Variants in STX8 observed in about 807,000 individuals in gnomAD.
The protein encoded by STX8 is syntaxin-8.
A neutral mutation model predicts 37.5 loss-of-function variants in STX8; 23 were observed. The ratio of observed to expected loss-of-function variants is 0.61; its 90% CI spans 0.44 to 0.87. The LOEUF (loss-of-function observed/expected upper bound fraction) is 0.87. Among genes scored for constraint, STX8 ranks in the 40% least tolerant of loss-of-function variants. The pLI is 0.00. For missense variants in STX8, 313 were observed against 284.7 expected, an observed-to-expected ratio of 1.10 and a Z score of -0.71; for synonymous variants, 115 against 99.1, an observed-to-expected ratio of 1.16 and a Z score of -0.95.
intron 7 of STX8, among the ~76,000 whole-genome samples, chr17:9,320,527 T>C (rs1346963388): frequency 6.6e-6 from 1 of 151,996 alleles, no homozygotes; most frequent in Admixed American, 6.6e-5. Context: ...ATAATATTCA[T>C]ATACACATAA....
chr17:9,360,829 T>A (rs564344829), intron 7 of STX8, among the ~76,000 whole-genome samples: 168 of 152,260 alleles, frequency 1.1e-3, no homozygotes, highest in African/African-American at 3.4e-3. Context: ...ACAACTGAGA[T>A]GCATGCCTGA....
intron 7 of STX8, among the ~76,000 whole-genome samples, chr17:9,301,991 T>C (rs1007677882): frequency 6.6e-6 from 1 of 152,186 alleles, no homozygotes; most frequent in Non-Finnish European, 1.5e-5. Context: ...TCTGAAATAG[T>C]TTATATAACA....
intron 6 of STX8, among the ~76,000 whole-genome samples, chr17:9,480,098 C>T (rs112359005): frequency 0.025 from 3,775 of 152,220 alleles, 135 homozygotes; most frequent in African/African-American, 0.084. Flanking sequence ...GTTTCACATT[C>T]GAATAGGTCC....
intron 6 of STX8, among the ~76,000 whole-genome samples, chr17:9,435,014 G>C (rs1006657673): frequency 1.3e-5 from 2 of 152,148 alleles, no homozygotes; most frequent in Non-Finnish European, 2.9e-5. Flanking sequence ...GCTGGTTTCA[G>C]CTGGCTTCTT....
chr17:9,486,701 AAGT>A (rs1438251839), intron 6 of STX8, among the ~76,000 whole-genome samples: 3 of 152,008 alleles, frequency 2.0e-5, no homozygotes, highest in African/African-American at 4.8e-5. Context: ...TACAAAAAAT[AAGT>A]TAAAATTAGC....
chr17:9,440,910 C>T (rs368215958), intron 6 of STX8, among the ~76,000 whole-genome samples: 2 of 152,234 alleles, frequency 1.3e-5, no homozygotes, highest in African/African-American at 4.8e-5. Context: ...CCATATCCTA[C>T]AAGCATTTCA....
chr17:9,318,120 A>G (rs1597601492), intron 7 of STX8, among the ~76,000 whole-genome samples: 1 of 152,366 alleles, frequency 6.6e-6, no homozygotes, highest in East Asian at 1.9e-4. Context: ...TAGAGGACAC[A>G]GAAATAATTT....
At chr17:9,460,759 G>A (rs752895811) in intron 6 of STX8, among the ~76,000 whole-genome samples, 1 of 151,698 alleles carries the variant, frequency 6.6e-6, no homozygotes. Context: ...ATATGTATAT[G>A]GTGGTTAAAA....
At chr17:9,407,271 C>T (rs1912834103) in intron 6 of STX8, among the ~76,000 whole-genome samples, 1 of 152,120 alleles carries the variant, frequency 6.6e-6, no homozygotes, top group Non-Finnish European at 1.5e-5. Flanking sequence ...CAAGTGATCC[C>T]CCCTGCCTTG....
chr17:9,367,786 A>C (rs1265307893), intron 7 of STX8, among the ~76,000 whole-genome samples: 1 of 152,138 alleles, frequency 6.6e-6, no homozygotes, highest in Non-Finnish European at 1.5e-5. Context: ...GCTGGAGTGC[A>C]GTGGTAGGAT....
At chr17:9,296,669 C>T (rs932639607) in intron 7 of STX8, among the ~76,000 whole-genome samples, 3 of 147,816 alleles carry the variant, frequency 2.0e-5, no homozygotes, top group East Asian at 2.0e-4. Context: ...TTCTAGATAG[C>T]GAAGACATGA....
intron 7 of STX8, among the ~76,000 whole-genome samples, chr17:9,326,641 A>C (rs938209301): frequency 1.3e-5 from 2 of 152,176 alleles, no homozygotes; most frequent in Admixed American, 6.6e-5. Flanking sequence ...CTGTGTCCTG[A>C]GGCAGAACTT....
intron 4 of STX8, among the ~76,000 whole-genome samples, chr17:9,517,908 G>A (rs946492832): frequency 6.6e-5 from 10 of 151,686 alleles, no homozygotes; most frequent in Non-Finnish European, 1.2e-4. Context: ...AAACACGAAT[G>A]AGTCTCCAGG....
chr17:9,505,044 T>C lies in STX8; in HGVS notation c.442A>G (p.Ile148Val). The change falls in exon 5 of 8, where the codon ATC becomes GTC. Residue 148 changes from isoleucine to valine, a missense_variant. Physicochemically the swap from Ile to Val is conservative, Grantham distance 29. Transcript: ENST00000306357. ...TCCTCAGGATATTTAGTACCTTGGA[T>C]AATTTTCTGCTGCTGTTGCCGGATT... ...DEIRQQQQKI[I>V]QEQDAGLDAL... The C allele has an allele frequency of 6.2e-7, 1 of 1,609,908 alleles. No individual in the cohort carries two copies. Among genetic ancestry groups the C allele is most frequent in the Non-Finnish European group, 8.5e-7 (1 of 1,178,230 alleles).
At chr17:9,547,627 C>A (rs558283330) in intron 3 of STX8, among the ~76,000 whole-genome samples, 318 of 53,286 alleles carry the variant, frequency 6.0e-3, no homozygotes, top group Middle Eastern at 0.014. Context: ...GACTCCGTCT[C>A]AAAAAAAAAA....
intron 6 of STX8, among the ~76,000 whole-genome samples, chr17:9,414,156 A>G (rs77284307): frequency 0.22 from 14,229 of 64,168 alleles, 2,811 homozygotes; most frequent in African/African-American, 0.52. Flanking sequence ...CCATCCATCC[A>G]TGAAAGCAAA....
intron 7 of STX8, among the ~76,000 whole-genome samples, chr17:9,290,856 T>C (rs1908288747): frequency 6.6e-6 from 1 of 152,154 alleles, no homozygotes; most frequent in Non-Finnish European, 1.5e-5. Flanking sequence ...CTTATTAGGG[T>C]GCAGTAACCC....
At chr17:9,401,810 T>C (rs1912629314) in intron 6 of STX8, among the ~76,000 whole-genome samples, 1 of 152,218 alleles carries the variant, frequency 6.6e-6, no homozygotes, top group African/African-American at 2.4e-5. Flanking sequence ...GTTAACCATG[T>C]ACTCTTGTTT....
At chr17:9,362,903 T>C (rs1261471587) in intron 7 of STX8, among the ~76,000 whole-genome samples, 5 of 151,424 alleles carry the variant, frequency 3.3e-5, no homozygotes, top group Non-Finnish European at 7.4e-5. Flanking sequence ...AAAAACTATA[T>C]ATGTTTGAAA....
Sources: allele counts gnomAD v4.1 joint callset (sites outside exome capture counted in the v4.1 genomes callset), GRCh38; gene constraint gnomAD v4.1.1; transcripts MANE v1.5; gene names NCBI Gene and HGNC (gene_info 2026-07-23, HGNC 2026-07-21).